Variants in NEB observed in about 807,000 individuals in gnomAD.
The protein encoded by NEB is nemaline myopathy type 2.
A neutral mutation model predicts 952.2 loss-of-function variants in NEB; 512 were observed. The observed-to-expected ratio is 0.54, with a 90% CI of 0.50 to 0.58. The LOEUF (loss-of-function observed/expected upper bound fraction) is 0.58, where lower values mean the gene tolerates loss of function less well. NEB is among the 20% of genes least tolerant of loss of function. The pLI is 0.00. For synonymous variants in NEB, 2,900 were observed against 3,149.8 expected, an observed-to-expected ratio of 0.92 and a Z score of 2.66; for missense variants, 8,428 against 9,231.1, an observed-to-expected ratio of 0.91 and a Z score of 3.56.
At chr2:151,524,654 CTTTTTTTTTTTTTTTT>C (rs5835371) in intron 151 of NEB, 38 bp from the exon 152 acceptor site, 21 of 257,366 alleles carry the variant, frequency 8.2e-5, no homozygotes, top group Admixed American at 2.7e-4. Context: ...AAGAGAGAGG[CTTTTTTTTTTTTTTTT>C]TTTTTTTTTT....
intron 27 of NEB, 114 bp downstream of exon 27, chr2:151,687,305 T>C: frequency 1.1e-6 from 1 of 870,448 alleles, no homozygotes; most frequent in Non-Finnish European, 1.8e-6. Flanking sequence ...AGTACTTTTG[T>C]GAATGTGATG....
chr2:151,490,543 A>T, intron 179 of NEB, 25 bp from the exon 180 acceptor site: 1 of 1,603,568 alleles, frequency 6.2e-7, no homozygotes. Context: ...GTTGGGGGAG[A>T]TGTAGCAAAC....
intron 169 of NEB, among the ~76,000 whole-genome samples, 194 bp from the exon 170 acceptor site, chr2:151,498,546 G>A (rs2061927947): frequency 6.6e-6 from 1 of 152,132 alleles, no homozygotes; most frequent in South Asian, 2.1e-4. Flanking sequence ...GGAAAGAGCA[G>A]CAAAAACTAA....
In NEB at chr2:151,638,733, C is replaced by T. The variant is rs80067588; in HGVS notation, c.8994+547G>A. On this transcript the variant is annotated intron_variant, in intron 63 of 181. Transcript: ENST00000397345. Reference sequence around the variant, plus strand: ...CCTCTATGATTCTGGAATGATGGCACGTGGCCCTGTGCACACTGAAAGTGA... The same window carrying T: ...CCTCTATGATTCTGGAATGATGGCATGTGGCCCTGTGCACACTGAAAGTGA... Among the ~76,000 whole-genome samples the T allele has an allele frequency of 5.3e-3, 813 of 152,132 alleles. 10 individuals carry two copies. Among genetic ancestry groups the T allele is most frequent in the African/African-American group, 0.019 (779 of 41,496 alleles).
rs1384078832 is a variant in NEB at position 151,485,815 on chromosome 2, A to T, written c.25523T>A (p.Val8508Glu). Residue 8508 changes from valine (V) to glutamate (E), a missense_variant, in exon 182 of 182, where the codon GTG (valine) becomes GAG (glutamate). Physicochemically the swap from Val to Glu is moderately radical, Grantham distance 121. This residue lies in a region of NEB where 3,374 missense variants were observed against 3,651.5 expected (regional missense o/e 0.92). Transcript: ENST00000397345. The stretch of plus-strand genomic sequence containing the variant: ...CATTCCGGTCCTGCCAGTCCTCTGC[A>T]CAGTGCCATACATCCAGCCTTCATC... ...AIDEGWMYGTVQRTGRTGMLP... is the reference protein window; with the variant it reads ...AIDEGWMYGTEQRTGRTGMLP... The T allele has an allele frequency of 2.5e-6, 4 of 1,614,010 alleles. No homozygotes were observed. The highest frequency in any genetic ancestry group is 3.4e-6 in the Non-Finnish European group (4 of 1,179,962).
chr2:151,516,101 A>G (rs1260741066), intron 157 of NEB, among the ~76,000 whole-genome samples: 1 of 152,208 alleles, frequency 6.6e-6, no homozygotes, highest in Non-Finnish European at 1.5e-5. Flanking sequence ...GGGGCATTCT[A>G]CTAAGAGTAG....
At chr2:151,507,096 T>TA (rs1212569872) in intron 162 of NEB, 83 bp from the exon 163 acceptor site, 4 of 848,096 alleles carry the variant, frequency 4.7e-6, no homozygotes, top group Non-Finnish European at 7.6e-6. Flanking sequence ...TGAAGAAAAT[T>TA]AAAATCCTGT....
intron 63 of NEB, among the ~76,000 whole-genome samples, chr2:151,638,045 T>C (rs2098794963): frequency 6.6e-6 from 1 of 152,002 alleles, no homozygotes; most frequent in African/African-American, 2.4e-5. Context: ...TTCACAAAAA[T>C]CTCCACAGGC....
intron 80 of NEB, 100 bp from the exon 81 acceptor site, chr2:151,610,220 A>T: frequency 8.9e-6 from 9 of 1,013,754 alleles, no homozygotes; most frequent in Non-Finnish European, 1.1e-5. Context: ...TTTATATTAC[A>T]AACATTTTGG....
chr2:151,664,463 C>T (rs1225037883), intron 44 of NEB, 38 bp downstream of exon 44: 1 of 1,449,188 alleles, frequency 6.9e-7, no homozygotes, highest in Non-Finnish European at 9.3e-7. Context: ...TTTGTTCTTA[C>T]TTGCTCAACC....
intron 16 of NEB, 137 bp from the exon 17 acceptor site, chr2:151,696,872 A>G: frequency 1.5e-6 from 1 of 678,496 alleles, no homozygotes; most frequent in Non-Finnish European, 2.5e-6. Context: ...TTTTCTAACT[A>G]GACTGTAGTT....
At chr2:151,527,727 C>A in intron 146 of NEB, 142 bp from the exon 147 acceptor site, 1 of 647,376 alleles carries the variant, frequency 1.5e-6, no homozygotes, top group South Asian at 2.0e-5. Context: ...ATTGAAATTT[C>A]TGTACAATTT....
intron 5 of NEB, 39 bp downstream of exon 5, chr2:151,727,652 A>G (rs768675211): frequency 1.3e-6 from 2 of 1,568,540 alleles, no homozygotes; most frequent in Non-Finnish European, 1.7e-6. Context: ...TAATTTCTTA[A>G]TAATCAAGCC....
At chr2:151,563,763 C>G in intron 118 of NEB, 44 bp from the exon 119 acceptor site, 1 of 1,608,146 alleles carries the variant, frequency 6.2e-7, no homozygotes, top group Non-Finnish European at 8.5e-7. Context: ...AGTTTCCTAA[C>G]CAGCCCCTTG....
chr2:151,524,397 G>A lies in NEB; in HGVS notation c.22393C>T (p.His7465Tyr). The change falls in exon 153 of 182, where the codon CAC becomes TAC. Residue 7465 changes from histidine to tyrosine, a missense_variant. Around this residue, in one of 11 missense-constraint regions of NEB, gnomAD observed 3,374 missense variants for 3,651.5 expected, o/e 0.92. Coordinates refer to ENST00000397345, the MANE Select transcript of NEB (RefSeq NM_001164508.2). ...QASEVEYRAKHRKEGSHGLSM... is the reference protein window; with the variant it reads ...QASEVEYRAKYRKEGSHGLSM... ...AAGCCATGGCTGCCTTCCTTGCGGT[G>A]CTTGGCTCTGTACTCCACCTGAATC... The A allele has an allele frequency of 6.2e-7, 1 of 1,613,956 alleles. No homozygotes were observed. Among genetic ancestry groups the A allele is most frequent in the Non-Finnish European group, 8.5e-7 (1 of 1,179,864 alleles).
At chr2:151,506,584 A>G (rs1018677953) in intron 163 of NEB, among the ~76,000 whole-genome samples, 2 of 152,192 alleles carry the variant, frequency 1.3e-5, no homozygotes, top group Non-Finnish European at 2.9e-5. Context: ...ATGCAAACTC[A>G]GTCAGTTATT....
intron 164 of NEB, chr2:151,505,946 C>G: frequency 5.1e-6 from 3 of 585,086 alleles, no homozygotes. Context: ...TCTCACAAGC[C>G]TCTCTGTTTT....
At chr2:151,673,210 T>C (rs1466218581) in intron 36 of NEB, among the ~76,000 whole-genome samples, 1 of 152,130 alleles carries the variant, frequency 6.6e-6, no homozygotes, top group Non-Finnish European at 1.5e-5. Flanking sequence ...ATGGAAAAAG[T>C]TCTGCTGTCC....
At chr2:151,633,240 A>G (rs2098703592) in intron 65 of NEB, among the ~76,000 whole-genome samples, 1 of 152,246 alleles carries the variant, frequency 6.6e-6, no homozygotes, top group Admixed American at 6.5e-5. Flanking sequence ...ACAGACACAG[A>G]GACTTCTTTT....
Sources: gnomAD v4.1 joint callset for allele counts (sites outside exome capture counted in the v4.1 genomes callset) on GRCh38, gnomAD v4.1.1 for gene constraint, gnomAD v4.1.1 regional missense constraint, MANE v1.5 for transcripts, NCBI Gene and HGNC (gene_info 2026-07-23, HGNC 2026-07-21) for gene names.